Variants in SEMA3A observed in about 807,000 individuals in gnomAD.
SEMA3A encodes the protein semaphorin 3A.
Under a neutral mutation model 97.9 loss-of-function variants are expected in SEMA3A, and 29 were observed. The ratio of observed to expected loss-of-function variants is 0.30; its 90% CI spans 0.22 to 0.40. The LOEUF (loss-of-function observed/expected upper bound fraction) is 0.40. SEMA3A is among the 10% of genes least tolerant of loss of function. The pLI, the probability that SEMA3A is intolerant of heterozygous loss-of-function variation, is 1.00. For synonymous variants in SEMA3A, 321 were observed against 323.7 expected (o/e 0.99, Z 0.09); for missense variants, 763 against 951.3 (o/e 0.80, Z 2.60).
intron 15 of SEMA3A, among the ~76,000 whole-genome samples, chr7:83,964,241 A>G (rs1584483219): frequency 6.6e-6 from 1 of 152,304 alleles, no homozygotes; most frequent in East Asian, 1.9e-4. Context: ...CTTATCTTGC[A>G]TAATCCTGTT....
intron 5 of SEMA3A, among the ~76,000 whole-genome samples, chr7:84,050,434 T>C (rs1792571936): frequency 6.6e-6 from 1 of 152,034 alleles, no homozygotes; most frequent in Non-Finnish European, 1.5e-5. Flanking sequence ...CATTGTGATT[T>C]TGCTTTGCAT....
chr7:84,424,994 T>TA (rs1562943251), intron 1 of SEMA3A, among the ~76,000 whole-genome samples: 43 of 103,632 alleles, frequency 4.1e-4, no homozygotes, highest in African/African-American at 1.6e-3. Flanking sequence ...TAATTATATT[T>TA]TTATTTATTT....
chr7:84,291,923 C>G (rs1800757518), intron 3 of SEMA3A, among the ~76,000 whole-genome samples: 1 of 152,130 alleles, frequency 6.6e-6, no homozygotes, highest in Non-Finnish European at 1.5e-5. Context: ...GTGCTGTAAT[C>G]ATTGAAGTGT....
At chr7:84,354,706 A>G (rs1465864837) in intron 2 of SEMA3A, among the ~76,000 whole-genome samples, 1 of 151,552 alleles carries the variant, frequency 6.6e-6, no homozygotes, top group Non-Finnish European at 1.5e-5. Context: ...TTTTTTCATT[A>G]TGGTCCAAGA....
chr7:84,024,030 AT>A (rs1791443979), intron 6 of SEMA3A, among the ~76,000 whole-genome samples: 1 of 148,048 alleles, frequency 6.8e-6, no homozygotes, highest in Non-Finnish European at 1.5e-5. Flanking sequence ...AAAAAAAAAA[AT>A]TAGTTCACAG....
chr7:83,969,248 A>G (rs1030981995), intron 15 of SEMA3A, among the ~76,000 whole-genome samples: 9 of 152,228 alleles, frequency 5.9e-5, no homozygotes, highest in Non-Finnish European at 1.0e-4. Flanking sequence ...ACTGCTAATT[A>G]AATCTTAAAA....
At chr7:84,031,686 A>AT (rs1368187062) in intron 6 of SEMA3A, among the ~76,000 whole-genome samples, 1 of 151,866 alleles carries the variant, frequency 6.6e-6, no homozygotes, top group Non-Finnish European at 1.5e-5. Context: ...ATACAAAAAA[A>AT]TCAGCTGGGT....
At chr7:84,034,493 T>A (rs1415033370) in intron 6 of SEMA3A, among the ~76,000 whole-genome samples, 1 of 152,222 alleles carries the variant, frequency 6.6e-6, no homozygotes, top group Non-Finnish European at 1.5e-5. Flanking sequence ...AATTTGATTA[T>A]CTATAGTTTG....
At chr7:84,279,074 CAGTT>C (rs1464516943) in intron 3 of SEMA3A, among the ~76,000 whole-genome samples, 3 of 152,018 alleles carry the variant, frequency 2.0e-5, no homozygotes, top group South Asian at 2.1e-4. Flanking sequence ...ATCATAGTCA[CAGTT>C]AGGCAAAATT....
At chr7:84,473,141 G>GGGGTGT (rs1554393542) in intron 1 of SEMA3A, among the ~76,000 whole-genome samples, 5 of 141,444 alleles carry the variant, frequency 3.5e-5, no homozygotes, top group African/African-American at 1.3e-4. Flanking sequence ...AAAAAGAAAT[G>GGGGTGT]GTGTGTGTGT....
chr7:83,986,784 G>A (rs1007657691), intron 12 of SEMA3A, among the ~76,000 whole-genome samples: 5 of 152,120 alleles, frequency 3.3e-5, no homozygotes, highest in African/African-American at 1.2e-4. Context: ...GGCCAGAAAT[G>A]CAGTACTAGG....
chr7:84,445,123 C>T (rs1380028874), intron 1 of SEMA3A, among the ~76,000 whole-genome samples: 2 of 151,952 alleles, frequency 1.3e-5, no homozygotes, highest in Non-Finnish European at 2.9e-5. Context: ...CATTTAGTTT[C>T]TAAATAATAT....
At chr7:84,020,884 T>G (rs533733901) in intron 6 of SEMA3A, among the ~76,000 whole-genome samples, 1 of 152,310 alleles carries the variant, frequency 6.6e-6, no homozygotes, top group African/African-American at 2.4e-5. Flanking sequence ...CAAAAATAAA[T>G]ATGAATGCAT....
At chr7:84,388,423 T>C (rs999321747) in intron 1 of SEMA3A, among the ~76,000 whole-genome samples, 1 of 152,104 alleles carries the variant, frequency 6.6e-6, no homozygotes, top group Non-Finnish European at 1.5e-5. Flanking sequence ...GCACATGTTC[T>C]GTCATTTTTT....
intron 4 of SEMA3A, among the ~76,000 whole-genome samples, chr7:84,062,887 C>T (rs1583899864): frequency 6.6e-6 from 1 of 151,836 alleles, no homozygotes; most frequent in South Asian, 2.1e-4. Flanking sequence ...AACAAAGCAG[C>T]CTGGAAGCTC....
rs3735514 is a variant in SEMA3A at position 84,002,201 on chromosome 7, T to C, written c.1361-155A>G. Among the ~76,000 whole-genome samples, 35,670 of 152,082 alleles carry C rather than the reference T, an allele frequency of 0.23. 4,306 individuals carry two copies. The highest frequency in any genetic ancestry group is 0.31 in the South Asian group (1,513 of 4,822). ...GTCAAAACATGAGTAAAATATATAT[T>C]CAAATGCATTTCATGCAATTAGACA... On this transcript the variant is annotated intron_variant, in intron 11 of 16. Transcript: ENST00000265362.
chr7:84,442,041 C>T (rs915994943), intron 1 of SEMA3A, among the ~76,000 whole-genome samples: 17 of 152,006 alleles, frequency 1.1e-4, no homozygotes, highest in African/African-American at 3.6e-4. Flanking sequence ...GATAGTAACT[C>T]AAAGACATAT....
chr7:83,962,147 G>A (rs923941449), intron 16 of SEMA3A, among the ~76,000 whole-genome samples: 30 of 151,906 alleles, frequency 2.0e-4, no homozygotes, highest in African/African-American at 7.0e-4. Flanking sequence ...ATAAATATAG[G>A]ATAAAGTTAA....
At chr7:84,188,847 G>A (rs11978452) in intron 1 of SEMA3A, among the ~76,000 whole-genome samples, 23 of 151,862 alleles carry the variant, frequency 1.5e-4, no homozygotes, top group African/African-American at 5.6e-4. Context: ...CATGCAAAGA[G>A]CACATCAATA....
Sources: allele counts gnomAD v4.1 joint callset (sites outside exome capture counted in the v4.1 genomes callset), GRCh38; gene constraint gnomAD v4.1.1; transcripts MANE v1.5; gene names NCBI Gene and HGNC (gene_info 2026-07-23, HGNC 2026-07-21).